The following STAU2 variants were observed in gnomAD, a reference collection of about 807,000 sequenced individuals.
STAU2 encodes double-stranded RNA-binding protein Staufen homolog 2.
In STAU2, 20 loss-of-function variants were observed where a neutral mutation model predicts 65.9. The observed-to-expected ratio is 0.30, with a 90% confidence interval of 0.21 to 0.44. The LOEUF is 0.44. Among genes scored for constraint, STAU2 ranks in the 20% least tolerant of loss-of-function variants. The pLI, the probability that STAU2 is intolerant of heterozygous loss-of-function variation, is 1.00. For missense variants in STAU2, 558 were observed against 683.9 expected (o/e 0.82, Z 2.05); for synonymous variants, 232 against 233.9 (o/e 0.99, Z 0.07).
chr8:73,476,851 C>T (rs1271105068), intron 13 of STAU2, among the ~76,000 whole-genome samples: 1 of 152,118 alleles, frequency 6.6e-6, no homozygotes, highest in East Asian at 1.9e-4. Flanking sequence ...GACAAACGCT[C>T]GTGAGAGCAG....
At chr8:73,700,665 T>C (rs180704777) in intron 4 of STAU2, among the ~76,000 whole-genome samples, 1 of 151,738 alleles carries the variant, frequency 6.6e-6, no homozygotes, top group East Asian at 1.9e-4. Flanking sequence ...TGAAAGAAAC[T>C]GAAGAGGACA....
intron 13 of STAU2, among the ~76,000 whole-genome samples, chr8:73,526,130 A>C (rs1470425732): frequency 1.3e-5 from 2 of 152,196 alleles, no homozygotes; most frequent in Admixed American, 6.5e-5. Context: ...GGGCTCATTC[A>C]ACCTGGATCA....
chr8:73,498,550 C>T (rs1490109344), intron 13 of STAU2, among the ~76,000 whole-genome samples: 1 of 151,696 alleles, frequency 6.6e-6, no homozygotes, highest in Non-Finnish European at 1.5e-5. Context: ...AAGTCTCTTT[C>T]CTGCTTTCAT....
chr8:73,569,569 G>A (rs1275517463), intron 12 of STAU2, among the ~76,000 whole-genome samples: 3 of 151,572 alleles, frequency 2.0e-5, no homozygotes, highest in Non-Finnish European at 4.4e-5. Flanking sequence ...AGTAGGGGCT[G>A]ACTGACACCT....
chr8:73,527,937 T>C (rs1805551724), intron 13 of STAU2: 1 of 488,736 alleles, frequency 2.0e-6, no homozygotes, highest in Non-Finnish European at 3.7e-6. Flanking sequence ...ACCCCTCCAA[T>C]ATCTGGGACT....
At chr8:73,514,530 A>G (rs1056532440) in intron 13 of STAU2, among the ~76,000 whole-genome samples, 5 of 152,138 alleles carry the variant, frequency 3.3e-5, no homozygotes, top group Non-Finnish European at 5.9e-5. Flanking sequence ...TTCTTTGTCA[A>G]CTTCCATTTT....
chr8:73,606,775 T>C (rs1202332222), intron 9 of STAU2, among the ~76,000 whole-genome samples: 1 of 152,158 alleles, frequency 6.6e-6, no homozygotes, highest in Non-Finnish European at 1.5e-5. Flanking sequence ...CACACACAAA[T>C]ATTCATAGCT....
At chr8:73,610,134 G>A (rs1259839381) in intron 9 of STAU2, among the ~76,000 whole-genome samples, 1 of 151,994 alleles carries the variant, frequency 6.6e-6, no homozygotes, top group Non-Finnish European at 1.5e-5. Flanking sequence ...CAAAAAATTA[G>A]CTGTGCATGG....
At chr8:73,679,205 G>T (rs1162882546) in intron 5 of STAU2, among the ~76,000 whole-genome samples, 1 of 152,040 alleles carries the variant, frequency 6.6e-6, no homozygotes, top group African/African-American at 2.4e-5. Context: ...CAAAATACAG[G>T]TTTGCCTTTC....
intron 13 of STAU2, among the ~76,000 whole-genome samples, chr8:73,544,390 A>ATCATGTCAC (rs1412381118): frequency 6.6e-6 from 1 of 152,194 alleles, no homozygotes; most frequent in East Asian, 1.9e-4. Flanking sequence ...CTGTTAACCA[A>ATCATGTCAC]TCATGTCACA....
At chr8:73,540,137 A>G (rs1353741050) in intron 13 of STAU2, among the ~76,000 whole-genome samples, 1 of 152,232 alleles carries the variant, frequency 6.6e-6, no homozygotes, top group Non-Finnish European at 1.5e-5. Flanking sequence ...TTTGAATGTA[A>G]CCTTATTTGA....
At chr8:73,512,629 A>G (rs1302398023) in intron 13 of STAU2, among the ~76,000 whole-genome samples, 3 of 151,812 alleles carry the variant, frequency 2.0e-5, no homozygotes, top group Admixed American at 6.6e-5. Context: ...CTTGTTTATC[A>G]GTTCTAATAG....
chr8:73,577,202 G>A (rs1210553590), intron 12 of STAU2, among the ~76,000 whole-genome samples: 1 of 152,076 alleles, frequency 6.6e-6, no homozygotes, highest in Non-Finnish European at 1.5e-5. Context: ...GCCAAGGTGG[G>A]CAGATCACAA....
intron 13 of STAU2, among the ~76,000 whole-genome samples, chr8:73,471,840 G>GA (rs1820047354): frequency 1.0e-5 from 1 of 96,172 alleles, no homozygotes; most frequent in African/African-American, 3.9e-5. Flanking sequence ...AAAAAAAAGA[G>GA]AGAAGAAGGA....
At chr8:73,635,482 T>C (rs1814423224) in intron 6 of STAU2, among the ~76,000 whole-genome samples, 3 of 151,940 alleles carry the variant, frequency 2.0e-5, no homozygotes. Flanking sequence ...GACCCAGCGA[T>C]AAGGGCTCAT....
chr8:73,687,335 A>AAATTAT (rs1554563797), intron 5 of STAU2, among the ~76,000 whole-genome samples: 3,148 of 93,308 alleles, frequency 0.034, 219 homozygotes, highest in Middle Eastern at 0.065. Context: ...TTATAAATAT[A>AAATTAT]ATTTATATTT....
At chr8:73,654,661 A>AAAAAAAAAAAAAAAAAAAT (rs1563484768) in intron 6 of STAU2, among the ~76,000 whole-genome samples, 3 of 137,328 alleles carry the variant, frequency 2.2e-5, no homozygotes, top group Non-Finnish European at 3.2e-5. Context: ...AAAAAAAAAA[A>AAAAAAAAAAAAAAAAAAAT]GAACTCTTTT....
intron 3 of STAU2, 34 bp downstream of exon 3, chr8:73,738,250 T>C (rs764083584): frequency 3.2e-6 from 5 of 1,570,828 alleles, no homozygotes; most frequent in Non-Finnish European, 4.4e-6. Context: ...CAAAGCACCA[T>C]GTAAGCATGA....
chr8:73,646,172 T>C (rs1261171842), intron 6 of STAU2, among the ~76,000 whole-genome samples: 1 of 152,150 alleles, frequency 6.6e-6, no homozygotes, highest in Non-Finnish European at 1.5e-5. Flanking sequence ...ATACAAAAAT[T>C]GAAATGTAGG....
Sources: allele counts gnomAD v4.1 joint callset (sites outside exome capture counted in the v4.1 genomes callset), GRCh38; gene constraint gnomAD v4.1.1; transcripts MANE v1.5; gene names NCBI Gene and HGNC (gene_info 2026-07-23, HGNC 2026-07-21).